Variants in MYH11 observed in about 807,000 individuals in gnomAD.
MYH11 encodes myosin-11.
Under a neutral mutation model 246.6 loss-of-function variants are expected in MYH11, and 80 were observed. The ratio of observed to expected loss-of-function variants is 0.32; its 90% CI spans 0.27 to 0.39. The LOEUF is 0.39. Among genes scored for constraint, MYH11 ranks in the 10% least tolerant of loss-of-function variants. The pLI, the probability that MYH11 is intolerant of heterozygous loss-of-function variation, is 1.00. For missense variants in MYH11, 2,158 were observed against 2,546.8 expected (o/e 0.85, Z 3.29); for synonymous variants, 1,071 against 1,015.5 (o/e 1.05, Z -1.04).
chr16:15,725,392 G>A, intron 28 of MYH11: 1 of 527,358 alleles, frequency 1.9e-6, no homozygotes, highest in Non-Finnish European at 3.3e-6. Flanking sequence ...CTGGAGAAGG[G>A]AGACCAGGAT....
At chr16:15,844,699 AT>A (rs2044143345) in intron 1 of MYH11, among the ~76,000 whole-genome samples, 2 of 152,112 alleles carry the variant, frequency 1.3e-5, no homozygotes, top group South Asian at 4.2e-4. Flanking sequence ...CTTAAAAAAA[AT>A]ATCAGCCAGG....
intron 37 of MYH11, 157 bp downstream of exon 37, chr16:15,718,158 A>C: frequency 8.6e-7 from 1 of 1,157,350 alleles, no homozygotes; most frequent in Non-Finnish European, 1.3e-6. Flanking sequence ...GCACTGGTGT[A>C]AGGGCCCTGG....
At chr16:15,801,043 TA>T (rs1352813393) in intron 3 of MYH11, among the ~76,000 whole-genome samples, 1 of 150,130 alleles carries the variant, frequency 6.7e-6, no homozygotes, top group East Asian at 2.0e-4. Context: ...CCATCTCCAC[TA>T]AAAATACAAA....
intron 1 of MYH11, among the ~76,000 whole-genome samples, chr16:15,845,666 CTT>C (rs746314897): frequency 5.9e-5 from 9 of 152,058 alleles, no homozygotes; most frequent in Non-Finnish European, 8.8e-5. Flanking sequence ...CTGATAATCT[CTT>C]GTTTCTTAAG....
intron 4 of MYH11, 25 bp downstream of exon 4, chr16:15,798,627 AAAAAAAAC>A (rs752785915): frequency 2.5e-6 from 4 of 1,572,524 alleles, no homozygotes; most frequent in Middle Eastern, 1.7e-4. Context: ...AAAAAAACAA[AAAAAAAAC>A]AGAAGAAAAA....
At chr16:15,741,350 C>T (rs750828956) in intron 22 of MYH11, 113 bp downstream of exon 22, 11 of 1,208,548 alleles carry the variant, frequency 9.1e-6, no homozygotes, top group African/African-American at 5.9e-5. Context: ...TCCAAGCCCC[C>T]GTCTCATCAT....
Position 15,715,028 on chromosome 16 carries a change from T to C in MYH11, c.5667A>G (p.Ala1889=). Residue 1889 remains alanine (A), a synonymous_variant, in exon 40 of 41, where the codon GCA becomes GCG. Coordinates refer to ENST00000300036, the MANE Select transcript of MYH11 (RefSeq NM_002474.3). ...VKQLKRQLEE[A]EEESQRINAN... is the part of the protein sequence containing the mutation. ...CGTTGATGCGCTGGGACTCCTCCTC[T>C]GCCTCCTCCAGCTGCCTCTTGAGCT... is the stretch of plus-strand genomic sequence containing the variant. 2 of 1,613,730 alleles carry C rather than the reference T, an allele frequency of 1.2e-6. No homozygotes were observed. Among genetic ancestry groups the C allele is most frequent in the East Asian group, 2.2e-5 (1 of 44,862 alleles).
chr16:15,720,199 A>G lies in MYH11; in HGVS notation c.4905T>C (p.Ser1635=). The G allele has an allele frequency of 1.2e-6, 2 of 1,614,058 alleles. No homozygotes were observed. Among genetic ancestry groups the G allele is most frequent in the African/African-American group, 1.3e-5 (1 of 74,984 alleles). ...TGGCTTCCTCCCTCCCCTTGATGGC[A>G]GAGTCGGCCTGAAGCTCCAGGTCTT... ...DLKDLELQAD[S]AIKGREEAIK... Residue 1635 remains serine (S), a synonymous_variant, in exon 34 of 41, where the codon TCT becomes TCC. Coordinates refer to ENST00000300036, the MANE Select transcript of MYH11 (RefSeq NM_002474.3).
intron 2 of MYH11, among the ~76,000 whole-genome samples, chr16:15,828,865 AG>A (rs2043647496): frequency 6.6e-6 from 1 of 151,848 alleles, no homozygotes; most frequent in African/African-American, 2.4e-5. Flanking sequence ...GATAGAGAAA[AG>A]AAAAGAATAA....
At chr16:15,827,625 T>G (rs1159606051) in intron 2 of MYH11, among the ~76,000 whole-genome samples, 3 of 152,052 alleles carry the variant, frequency 2.0e-5, no homozygotes, top group African/African-American at 4.8e-5. Flanking sequence ...GTGCCTTGAG[T>G]CCGGGGAACC....
At chr16:15,738,103 GTGCATGTGA>G (rs1424841752) in intron 24 of MYH11, among the ~76,000 whole-genome samples, 3 of 151,792 alleles carry the variant, frequency 2.0e-5, no homozygotes, top group African/African-American at 7.3e-5. Context: ...CATATTATTA[GTGCATGTGA>G]TGACTAAGGG....
intron 27 of MYH11, among the ~76,000 whole-genome samples, chr16:15,728,287 A>T (rs893074473): frequency 3.3e-5 from 5 of 152,206 alleles, no homozygotes; most frequent in Admixed American, 3.3e-4. Context: ...TAGTTACACA[A>T]TACACATTTG....
At chr16:15,838,361 C>G in intron 1 of MYH11, 92 bp from the exon 2 acceptor site, 3 of 985,874 alleles carry the variant, frequency 3.0e-6, no homozygotes, top group Non-Finnish European at 4.7e-6. Context: ...GGAACTCGGT[C>G]TGCAGAGACA....
At chr16:15,707,683 T>TC (rs2039530072) in intron 40 of MYH11, among the ~76,000 whole-genome samples, 1 of 152,204 alleles carries the variant, frequency 6.6e-6, no homozygotes, top group Non-Finnish European at 1.5e-5. Flanking sequence ...CCACATGGCC[T>TC]AACTTCACCT....
At chr16:15,836,109 G>A (rs540529465) in intron 2 of MYH11, among the ~76,000 whole-genome samples, 1 of 152,226 alleles carries the variant, frequency 6.6e-6, no homozygotes, top group Non-Finnish European at 1.5e-5. Flanking sequence ...AAGCTTCAGA[G>A]GCATGAGGTA....
At chr16:15,767,155 G>A (rs1288243554) in intron 9 of MYH11, among the ~76,000 whole-genome samples, 2 of 152,026 alleles carry the variant, frequency 1.3e-5, no homozygotes, top group African/African-American at 2.4e-5. Context: ...ATGGACGGAT[G>A]GGTGATGGAT....
chr16:15,719,365 AG>A, intron 35 of MYH11, 57 bp from the exon 36 acceptor site: 2 of 1,576,830 alleles, frequency 1.3e-6, no homozygotes, highest in Non-Finnish European at 1.7e-6. Flanking sequence ...CCCCACCAAG[AG>A]TCCACCCTGA....
At chr16:15,721,807 A>C in intron 31 of MYH11, 173 bp from the exon 32 acceptor site, 1 of 675,390 alleles carries the variant, frequency 1.5e-6, no homozygotes, top group Non-Finnish European at 2.6e-6. Flanking sequence ...TGACTTCTAC[A>C]TCAACCTTAT....
chr16:15,721,199 G>C, intron 32 of MYH11, 148 bp from the exon 33 acceptor site: 1 of 989,278 alleles, frequency 1.0e-6, no homozygotes, highest in East Asian at 2.6e-5. Flanking sequence ...TGACCCCTGA[G>C]AGTTCAGACC....
Sources: gnomAD v4.1 joint callset for allele counts (sites outside exome capture counted in the v4.1 genomes callset) on GRCh38, gnomAD v4.1.1 for gene constraint, MANE v1.5 for transcripts, NCBI Gene and HGNC (gene_info 2026-07-23, HGNC 2026-07-21) for gene names.